The following LHFPL3 variants were observed in gnomAD, a reference collection of about 807,000 sequenced individuals.
The protein encoded by LHFPL3 is LHFPL tetraspan subfamily member 3.
LHFPL3 carries 5 observed loss-of-function variants against 19.3 expected under a neutral mutation model. The observed-to-expected ratio is 0.26, with a 90% confidence interval of 0.14 to 0.54. The LOEUF (loss-of-function observed/expected upper bound fraction) is 0.54. Ranked by LOEUF, LHFPL3 falls within the 20% of genes least tolerant of loss-of-function variation. The pLI is 0.94. For synonymous variants in LHFPL3, 133 were observed against 126.2 expected (o/e 1.05, Z -0.36); for missense variants, 249 against 307.4 (o/e 0.81, Z 1.42).
intron 1 of LHFPL3, among the ~76,000 whole-genome samples, chr7:104,335,175 T>G (rs1789769953): frequency 1.3e-5 from 2 of 152,092 alleles, no homozygotes; most frequent in Admixed American, 6.5e-5. Flanking sequence ...TCCTTACCCT[T>G]TGGCTAGTGC....
At position 104,482,903 on chromosome 7, in the gene LHFPL3, A is replaced by G. The variant is rs368206589; in HGVS notation, c.445+153679A>G. ...TAATTCCTCACAAGGCCAAGTCTCC[A>G]TGTGGGTTTTTGTTTGTAGGACAAT... On this transcript the variant is annotated intron_variant, in intron 1 of 2. Transcript: ENST00000424859. Among the ~76,000 whole-genome samples, 5 of 152,326 alleles carry G rather than the reference A, an allele frequency of 3.3e-5. No homozygotes were observed. The East Asian group carries it at 5.8e-4, about 18-fold the overall frequency.
At chr7:104,490,605 C>T (rs562663717) in intron 1 of LHFPL3, among the ~76,000 whole-genome samples, 1 of 152,244 alleles carries the variant, frequency 6.6e-6, no homozygotes, top group South Asian at 2.1e-4. Context: ...CTCCACTCTC[C>T]ATTGGGTATA....
intron 1 of LHFPL3, among the ~76,000 whole-genome samples, chr7:104,461,615 G>A (rs1792665487): frequency 6.6e-6 from 1 of 152,134 alleles, no homozygotes; most frequent in Non-Finnish European, 1.5e-5. Flanking sequence ...TAGCCCTGGA[G>A]TGTAGTTTGA....
intron 1 of LHFPL3, among the ~76,000 whole-genome samples, chr7:104,635,549 A>G (rs1377951486): frequency 1.3e-5 from 2 of 152,158 alleles, no homozygotes; most frequent in Non-Finnish European, 2.9e-5. Context: ...AGAGAAAATG[A>G]ACTTTAACCC....
chr7:104,584,522 T>C (rs1384341990), intron 1 of LHFPL3, among the ~76,000 whole-genome samples: 1 of 152,118 alleles, frequency 6.6e-6, no homozygotes, highest in Admixed American at 6.6e-5. Context: ...TAGAGAAGTT[T>C]TGCCACAATT....
At chr7:104,537,483 T>C (rs1794412080) in intron 1 of LHFPL3, among the ~76,000 whole-genome samples, 2 of 152,148 alleles carry the variant, frequency 1.3e-5, no homozygotes, top group South Asian at 4.1e-4. Flanking sequence ...TATTATGGGT[T>C]CCAGCCCCTA....
At chr7:104,498,458 C>T (rs938044216) in intron 1 of LHFPL3, among the ~76,000 whole-genome samples, 4 of 151,374 alleles carry the variant, frequency 2.6e-5, no homozygotes, top group South Asian at 2.1e-4. Context: ...TTATTTGTTG[C>T]ATTCACATAT....
At chr7:104,880,355 G>C (rs1792023522) in intron 2 of LHFPL3, among the ~76,000 whole-genome samples, 1 of 152,026 alleles carries the variant, frequency 6.6e-6, no homozygotes, top group South Asian at 2.1e-4. Context: ...GGCCTCATCA[G>C]GAGGAGATGC....
intron 2 of LHFPL3, among the ~76,000 whole-genome samples, chr7:104,767,837 CA>C (rs1322046786): frequency 2.0e-5 from 3 of 152,128 alleles, no homozygotes; most frequent in Non-Finnish European, 4.4e-5. Context: ...TTCTTTTTCC[CA>C]TTCCTAAGGT....
intron 1 of LHFPL3, among the ~76,000 whole-genome samples, chr7:104,654,785 A>G (rs10487222): frequency 0.39 from 59,826 of 151,902 alleles, 12,412 homozygotes; most frequent in East Asian, 0.62. Context: ...GTCTTTTTCA[A>G]TTATAATCCT....
At chr7:104,345,985 C>A (rs1249834704) in intron 1 of LHFPL3, among the ~76,000 whole-genome samples, 3 of 150,716 alleles carry the variant, frequency 2.0e-5, no homozygotes, top group African/African-American at 7.3e-5. Context: ...TATTGTCTTA[C>A]TTTACTATAA....
intron 1 of LHFPL3, among the ~76,000 whole-genome samples, chr7:104,625,915 A>T (rs762402386): frequency 6.6e-6 from 1 of 152,210 alleles, no homozygotes; most frequent in Non-Finnish European, 1.5e-5. Flanking sequence ...ACTTCTTCAA[A>T]GTTTCCAAAA....
At chr7:104,337,317 G>A (rs1166426048) in intron 1 of LHFPL3, among the ~76,000 whole-genome samples, 2 of 152,122 alleles carry the variant, frequency 1.3e-5, no homozygotes, top group Non-Finnish European at 2.9e-5. Context: ...TGGAAAGCCT[G>A]TGGAATTTCA....
chr7:104,591,376 C>T (rs1228017890), intron 1 of LHFPL3, among the ~76,000 whole-genome samples: 1 of 152,182 alleles, frequency 6.6e-6, no homozygotes. Flanking sequence ...ACTTATGAAG[C>T]TTAGTTTGGC....
chr7:104,468,805 C>G (rs536641064), intron 1 of LHFPL3, among the ~76,000 whole-genome samples: 1 of 151,896 alleles, frequency 6.6e-6, no homozygotes, highest in East Asian at 1.9e-4. Context: ...ATTACAGGTG[C>G]CTGCCACCAC....
intron 2 of LHFPL3, chr7:104,894,577 A>G (rs990755001): frequency 6.6e-6 from 1 of 152,252 alleles, no homozygotes; most frequent in African/African-American, 2.4e-5. Flanking sequence ...CTTGATGCCT[A>G]TAAAACTCTC....
chr7:104,661,731 A>G (rs1034090609), intron 1 of LHFPL3, among the ~76,000 whole-genome samples: 3 of 152,172 alleles, frequency 2.0e-5, no homozygotes, highest in African/African-American at 7.2e-5. Flanking sequence ...CTTCTTCGCA[A>G]TTTCATGGAT....
At chr7:104,726,221 T>C (rs1341752337) in intron 1 of LHFPL3, among the ~76,000 whole-genome samples, 7 of 152,210 alleles carry the variant, frequency 4.6e-5, no homozygotes, top group African/African-American at 1.7e-4. Flanking sequence ...ATTGTCTAGA[T>C]GTTACAGCTC....
chr7:104,361,201 G>A (rs1365076503), intron 1 of LHFPL3, among the ~76,000 whole-genome samples: 3 of 152,194 alleles, frequency 2.0e-5, no homozygotes, highest in Admixed American at 1.3e-4. Context: ...TGCGGAAAAC[G>A]CTTGCCAACC....
Sources: allele counts gnomAD v4.1 joint callset (sites outside exome capture counted in the v4.1 genomes callset), GRCh38; gene constraint gnomAD v4.1.1; transcripts MANE v1.5; gene names NCBI Gene and HGNC (gene_info 2026-07-23, HGNC 2026-07-21).